WDR49: variants seen among roughly 807,000 people sequenced by gnomAD.
The protein encoded by WDR49 is WD repeat domain 49, also known as cilia- and flagella-associated protein 337.
Under a neutral mutation model 119.5 loss-of-function variants are expected in WDR49, and 107 were observed. That is an observed-to-expected ratio of 0.90 (90% CI 0.77 to 1.05). The LOEUF is 1.05. WDR49 is among the 50% of genes least tolerant of loss of function. The probability of loss-of-function intolerance (pLI) is 0.00; values close to 1 mark genes in which losing one functional copy is unlikely to be tolerated. For missense variants in WDR49, 1,240 were observed against 1,220.5 expected (o/e 1.02, Z -0.24); for synonymous variants, 425 against 418.8 (o/e 1.01, Z -0.18).
intron 7 of WDR49, among the ~76,000 whole-genome samples, chr3:167,596,706 T>G (rs1222941844): frequency 1.8e-5 from 2 of 109,168 alleles, no homozygotes; most frequent in Non-Finnish European, 3.5e-5. Context: ...AACATCACAC[T>G]CTGGGGACTG....
intron 7 of WDR49, among the ~76,000 whole-genome samples, chr3:167,591,922 T>G (rs558846116): frequency 8.5e-5 from 13 of 152,214 alleles, no homozygotes; most frequent in African/African-American, 3.1e-4. Flanking sequence ...AAGACTTACT[T>G]CTGCCATTTT....
chr3:167,545,751 T>C (rs1002244156), intron 10 of WDR49, among the ~76,000 whole-genome samples: 11 of 150,128 alleles, frequency 7.3e-5, no homozygotes, highest in Admixed American at 2.0e-4. Context: ...AGACTGCACA[T>C]TGGGAACAGT....
upstream of WDR49, among the ~76,000 whole-genome samples, chr3:167,656,629 G>T (rs370919815): frequency 6.6e-6 from 1 of 152,154 alleles, no homozygotes; most frequent in South Asian, 2.1e-4. Context: ...TACAGTAGAA[G>T]TTAATCAATT....
chr3:167,604,570 A>C, intron 5 of WDR49, 102 bp from the exon 6 acceptor site: 2 of 1,186,612 alleles, frequency 1.7e-6, no homozygotes, highest in Non-Finnish European at 2.3e-6. Context: ...AATTAAACTC[A>C]AACTATGATG....
At chr3:167,539,116 A>T (rs1046529071) in intron 10 of WDR49, among the ~76,000 whole-genome samples, 3 of 152,214 alleles carry the variant, frequency 2.0e-5, no homozygotes, top group African/African-American at 7.2e-5. Flanking sequence ...ATTTTGCTCA[A>T]AAAGTTTAAG....
Position 167,578,464 on chromosome 3 carries a change from G to A in WDR49, c.1276-2313C>T, listed in dbSNP as rs938947469. ...CACATGTGTGTGTATATATGTGTGTGGTGTATATATTTTTATACAACTATA... is the reference window on the plus strand; with the variant it reads ...CACATGTGTGTGTATATATGTGTGTAGTGTATATATTTTTATACAACTATA... On this transcript the variant is annotated intron_variant, in intron 7 of 18. Transcript: ENST00000682715. Among the ~76,000 whole-genome samples, 3 of 151,784 alleles carry A rather than the reference G, an allele frequency of 2.0e-5. No homozygotes were observed. In the East Asian group the frequency reaches 5.8e-4, roughly 29 times the overall value.
At chr3:167,532,487 T>C (rs1752883883) in intron 12 of WDR49, among the ~76,000 whole-genome samples, 1 of 152,084 alleles carries the variant, frequency 6.6e-6, no homozygotes, top group Non-Finnish European at 1.5e-5. Context: ...TATTACAAGC[T>C]CTAGATTGAG....
chr3:167,627,623 C>A (rs1449251061), intron 2 of WDR49, among the ~76,000 whole-genome samples: 10 of 151,964 alleles, frequency 6.6e-5, no homozygotes, highest in Non-Finnish European at 1.5e-4. Flanking sequence ...TCTATTTAAG[C>A]TAGAAAAGGC....
rs1187489558 is a variant in WDR49, at chr3:167,584,025, AT to A, written c.1276-7875del. Among the ~76,000 whole-genome samples the A allele has an allele frequency of 2.6e-5, 4 of 152,328 alleles. No individual in the cohort carries two copies. In the East Asian group the frequency reaches 7.7e-4, roughly 29 times the overall value. Reference sequence around the variant, plus strand: ...TTCTCATTACAAGCAAGAATGTAAAATAATTAGGTATAACATTAAAGAGCTA... The same window carrying A: ...TTCTCATTACAAGCAAGAATGTAAAAAATTAGGTATAACATTAAAGAGCTA... On this transcript the variant is annotated intron_variant, in intron 7 of 18. Coordinates refer to ENST00000682715, the MANE Select transcript of WDR49 (RefSeq NM_001366157.1).
In WDR49 at chr3:167,621,670, A is replaced by G; in HGVS notation, c.607-27T>C. 2.0e-6 allele frequency: 3 copies of G among 1,504,742 alleles called. No homozygotes were observed. The South Asian group carries it at 3.8e-5, about 19-fold the overall frequency. The allele number at this position is 1,504,742 out of a possible 1,614,324, so 93.2% of individuals were successfully genotyped here. The stretch of plus-strand genomic sequence containing the variant: ...TAAAGTAGCAGAGTAGAAAATCAGA[A>G]AGTAATTCTGATGGATTTAGCAAAA... On this transcript the variant is annotated intron_variant, in intron 3 of 18. Coordinates refer to ENST00000682715, the MANE Select transcript of WDR49 (RefSeq NM_001366157.1).
At chr3:167,528,736 C>T (rs963181200) in intron 14 of WDR49, among the ~76,000 whole-genome samples, 1 of 151,480 alleles carries the variant, frequency 6.6e-6, no homozygotes, top group Non-Finnish European at 1.5e-5. Context: ...TAAATAAATA[C>T]ATACATACAT....
intron 8 of WDR49, among the ~76,000 whole-genome samples, chr3:167,573,391 T>TACAC (rs57955643): frequency 0.1 from 14,820 of 142,200 alleles, 726 homozygotes; most frequent in Non-Finnish European, 0.11. Flanking sequence ...TTATGTGGAA[T>TACAC]ACACACACAC....
At chr3:167,651,173 A>G (rs528534703) in intron 2 of WDR49, among the ~76,000 whole-genome samples, 22 of 152,296 alleles carry the variant, frequency 1.4e-4, no homozygotes, top group Non-Finnish European at 2.5e-4. Flanking sequence ...TGCCACTGCT[A>G]TTTAAGGAGA....
chr3:167,585,852 G>T (rs978449925), intron 7 of WDR49, among the ~76,000 whole-genome samples: 4 of 151,944 alleles, frequency 2.6e-5, no homozygotes, highest in Non-Finnish European at 4.4e-5. Context: ...GGAAAGAAAT[G>T]GATTTGAAGG....
intron 10 of WDR49, among the ~76,000 whole-genome samples, chr3:167,551,927 C>G (rs983751161): frequency 6.6e-6 from 1 of 151,758 alleles, no homozygotes; most frequent in Non-Finnish European, 1.5e-5. Context: ...GACATTTTGT[C>G]TCTATACTGA....
intron 16 of WDR49, 82 bp from the exon 17 acceptor site, chr3:167,505,498 C>CAAAAA: frequency 2.2e-6 from 3 of 1,349,488 alleles, no homozygotes; most frequent in Non-Finnish European, 2.9e-6. Flanking sequence ...TATCTTTGAC[C>CAAAAA]AAAAAAAACA....
chr3:167,530,798 T>TTAA (rs1465161357), intron 13 of WDR49, among the ~76,000 whole-genome samples: 3 of 152,146 alleles, frequency 2.0e-5, no homozygotes, highest in Non-Finnish European at 1.5e-5. Context: ...CCCTACTGTA[T>TTAA]TAAAACCTCT....
chr3:167,656,628 A>T (rs1718611849), upstream of WDR49, among the ~76,000 whole-genome samples: 1 of 152,224 alleles, frequency 6.6e-6, no homozygotes, highest in Admixed American at 6.5e-5. Flanking sequence ...TTACAGTAGA[A>T]GTTAATCAAT....
At chr3:167,531,696 C>A (rs1291447129) in intron 12 of WDR49, among the ~76,000 whole-genome samples, 1 of 152,028 alleles carries the variant, frequency 6.6e-6, no homozygotes, top group South Asian at 2.1e-4. Context: ...ATTAAATGAG[C>A]CTTTTTAACA....
Sources: gnomAD v4.1 joint callset for allele counts (sites outside exome capture counted in the v4.1 genomes callset) on GRCh38, gnomAD v4.1.1 for gene constraint, MANE v1.5 for transcripts, NCBI Gene and HGNC (gene_info 2026-07-23, HGNC 2026-07-21) for gene names.